Variants in TMEM114 observed in about 807,000 individuals in gnomAD.
TMEM114 encodes the protein claudin-26.
TMEM114 carries 6 observed loss-of-function variants against 6.2 expected under a neutral mutation model. That is an observed-to-expected ratio of 0.97 (90% CI 0.53 to 1.91). The LOEUF (loss-of-function observed/expected upper bound fraction) is 1.91. TMEM114 is among the 40% of genes most tolerant of loss of function. TMEM114 has a pLI of 0.01. For synonymous variants in TMEM114, 104 were observed against 73.0 expected, an observed-to-expected ratio of 1.42 and a Z score of -2.16; for missense variants, 218 against 158.3, an observed-to-expected ratio of 1.38 and a Z score of -2.02.
downstream of TMEM114, among the ~76,000 whole-genome samples, chr16:8,534,443 T>G (rs1596462265): frequency 6.6e-6 from 1 of 151,856 alleles, no homozygotes; most frequent in African/African-American, 2.4e-5. Context: ...AGGTGGAGGG[T>G]GTAGAATTGC....
chr16:8,577,912 G>T (rs77290242), intron 2 of TMEM114, among the ~76,000 whole-genome samples: 1 of 152,128 alleles, frequency 6.6e-6, no homozygotes, highest in African/African-American at 2.4e-5. Context: ...AATCCTGAGC[G>T]CATGCATTCA....
chr16:8,555,607 G>T (rs543275310), intron 2 of TMEM114, among the ~76,000 whole-genome samples: 33 of 152,264 alleles, frequency 2.2e-4, no homozygotes, highest in African/African-American at 7.5e-4. Context: ...TCTTCAATCT[G>T]GTCCGGGGTC....
At chr16:8,533,146 C>T (rs1002840028), downstream of TMEM114, among the ~76,000 whole-genome samples, 1 of 99,262 alleles carries the variant, frequency 1.0e-5, no homozygotes, top group Non-Finnish European at 2.3e-5. Flanking sequence ...AAATAAAGCA[C>T]ACATAAACAA....
rs753434037 is a variant in TMEM114 at position 8,572,383 on chromosome 16, C to T, written c.302-159G>A. The T allele has an allele frequency of 6.4e-5, 50 of 783,276 alleles. 1 individual carries two copies. The highest frequency in any genetic ancestry group is 3.6e-4 in the South Asian group (21 of 58,966). 48.5% of individuals were successfully genotyped at this position (783,276 alleles called of 1,614,324 possible). ...TACTGTTTCTGATGATGATGATGAC[C>T]ATGACAACAGTGGTTGAGGCTCATC... is the stretch of plus-strand genomic sequence containing the variant. On this transcript the variant is annotated intron_variant, in intron 2 of 3. Transcript: ENST00000620492.
intron 3 of TMEM114, among the ~76,000 whole-genome samples, chr16:8,571,381 G>A (rs1377104703): frequency 6.6e-6 from 1 of 152,130 alleles, no homozygotes; most frequent in East Asian, 1.9e-4. Flanking sequence ...CTGTGGAGTG[G>A]CTCGGTCAAA....
downstream of TMEM114, among the ~76,000 whole-genome samples, chr16:8,564,711 G>T (rs559545144): frequency 3.3e-5 from 5 of 149,692 alleles, no homozygotes; most frequent in African/African-American, 5.0e-5. Flanking sequence ...GTGAGTGAAT[G>T]AGTGAGTAAA....
At chr16:8,554,619 C>G (rs1900949637) in intron 2 of TMEM114, among the ~76,000 whole-genome samples, 1 of 152,158 alleles carries the variant, frequency 6.6e-6, no homozygotes, top group Non-Finnish European at 1.5e-5. Flanking sequence ...CATACTAAGT[C>G]TTCCATAATA....
chr16:8,569,707 T>A lies in TMEM114; in HGVS notation c.*66A>T. 6.7e-7 allele frequency: 1 copy of A among 1,482,728 alleles called. No individual in the cohort carries two copies. Among genetic ancestry groups the A allele is most frequent in the Middle Eastern group, 2.0e-4 (1 of 5,114 alleles). 91.8% of individuals were successfully genotyped at this position (1,482,728 alleles called of 1,614,324 possible). Reference sequence around the variant, plus strand: ...TTGAGGAAGAAGAGGCCGCAGCCGATGGAGATCGGTCGGTGAAGCTCCGGG... The same window carrying A: ...TTGAGGAAGAAGAGGCCGCAGCCGAAGGAGATCGGTCGGTGAAGCTCCGGG... On this transcript the variant is annotated 3_prime_UTR_variant, in exon 4 of 4. Coordinates refer to ENST00000620492, the MANE Select transcript of TMEM114 (RefSeq NM_001146336.2).
At chr16:8,539,996 T>G (rs1324040177) in intron 2 of TMEM114, among the ~76,000 whole-genome samples, 1 of 151,972 alleles carries the variant, frequency 6.6e-6, no homozygotes, top group African/African-American at 2.4e-5. Flanking sequence ...TTTTGTATTT[T>G]TAGTAGAGAT....
chr16:8,558,031 A>G (rs1391603777), intron 2 of TMEM114, among the ~76,000 whole-genome samples: 1 of 152,154 alleles, frequency 6.6e-6, no homozygotes, highest in Non-Finnish European at 1.5e-5. Context: ...AGGCAGGCGG[A>G]TCACCTGATG....
chr16:8,536,903 T>A (rs569721689), downstream of TMEM114, among the ~76,000 whole-genome samples: 6 of 152,218 alleles, frequency 3.9e-5, no homozygotes, highest in African/African-American at 1.4e-4. Context: ...GAATCACACA[T>A]TTTTACTTTT....
intron 2 of TMEM114, among the ~76,000 whole-genome samples, chr16:8,561,924 A>G (rs1432892852): frequency 6.9e-6 from 1 of 144,318 alleles, no homozygotes; most frequent in African/African-American, 2.6e-5. Context: ...GAGTAAGTGA[A>G]TGAGTGAGTG....
the TMEM114 span, chr16:8,532,044 T>C: frequency 6.6e-6 from 1 of 152,140 alleles, no homozygotes; most frequent in Admixed American, 6.5e-5. Flanking sequence ...GTGGATTGCT[T>C]ATGGAAGAGC....
At chr16:8,545,382 G>C (rs1459198116) in intron 2 of TMEM114, among the ~76,000 whole-genome samples, 2 of 152,186 alleles carry the variant, frequency 1.3e-5, no homozygotes, top group African/African-American at 4.8e-5. Flanking sequence ...GTTGCAGTGA[G>C]CTGTAATCAT....
At chr16:8,535,678 A>G (rs1900335004), downstream of TMEM114, among the ~76,000 whole-genome samples, 1 of 152,198 alleles carries the variant, frequency 6.6e-6, no homozygotes. Flanking sequence ...GCATTGCAGC[A>G]AATCCTTCGT....
intron 2 of TMEM114, among the ~76,000 whole-genome samples, chr16:8,563,717 GTGAATGAGTCAGTGAGTGAA>G (rs1567203191): frequency 1.3e-5 from 2 of 151,094 alleles, no homozygotes; most frequent in African/African-American, 2.5e-5. Flanking sequence ...GAGTGAGTGA[GTGAATGAGTCAGTGAGTGAA>G]TGAATGAGTC....
At chr16:8,568,232 A>G (rs1282158147), downstream of TMEM114, among the ~76,000 whole-genome samples, 2 of 152,012 alleles carry the variant, frequency 1.3e-5, no homozygotes, top group Non-Finnish European at 2.9e-5. Context: ...CTCCTCAATC[A>G]TGTGGCACCC....
intron 2 of TMEM114, among the ~76,000 whole-genome samples, chr16:8,586,338 T>A (rs1902319864): frequency 6.6e-6 from 1 of 152,170 alleles, no homozygotes; most frequent in Non-Finnish European, 1.5e-5. Context: ...CATGGAAGTC[T>A]AACCATATCC....
chr16:8,532,330 C>T, the TMEM114 span, among the ~76,000 whole-genome samples: 1 of 152,114 alleles, frequency 6.6e-6, no homozygotes, highest in Non-Finnish European at 1.5e-5. Context: ...CAAGCCACAT[C>T]CTCTCTCTGG....
Sources: gnomAD v4.1 joint callset for allele counts (sites outside exome capture counted in the v4.1 genomes callset) on GRCh38, gnomAD v4.1.1 for gene constraint, MANE v1.5 for transcripts, NCBI Gene and HGNC (gene_info 2026-07-23, HGNC 2026-07-21) for gene names.